MTSS1: variants seen among roughly 807,000 people sequenced by gnomAD.
MTSS1 encodes the protein protein MTSS 1.
A neutral mutation model predicts 79.0 loss-of-function variants in MTSS1; 18 were observed. That is an observed-to-expected ratio of 0.23 (90% CI 0.16 to 0.34). The LOEUF is 0.34. MTSS1 is among the 10% of genes least tolerant of loss of function. The pLI is 1.00. For synonymous variants in MTSS1, 341 were observed against 368.6 expected (o/e 0.93, Z 0.86); for missense variants, 815 against 986.2 (o/e 0.83, Z 2.33).
At position 124,653,681 on chromosome 8, in the gene MTSS1, G is replaced by A. The variant is rs564179741; in HGVS notation, c.208+45845C>T. 4.5e-4 allele frequency among the ~76,000 whole-genome samples: 69 copies of A among 152,328 alleles called. No individual in the cohort carries two copies. In the South Asian group the frequency reaches 0.014, roughly 31 times the overall value. ...TGAGGTTGCAGTGAGCCGAGATCGC[G>A]CCAGTGCGCTCCAGCCTGGGCAACA... On this transcript the variant is annotated intron_variant, in intron 3 of 13. Coordinates refer to ENST00000518547, the MANE Select transcript of MTSS1 (RefSeq NM_014751.6).
intron 3 of MTSS1, among the ~76,000 whole-genome samples, chr8:124,646,395 T>TA: frequency 6.6e-6 from 1 of 152,212 alleles, no homozygotes; most frequent in Non-Finnish European, 1.5e-5. Flanking sequence ...TTCATTCATT[T>TA]AAAAAATCTA....
intron 1 of MTSS1, among the ~76,000 whole-genome samples, chr8:124,706,520 C>T (rs1482073549): frequency 2.0e-5 from 3 of 152,232 alleles, no homozygotes; most frequent in Non-Finnish European, 2.9e-5. Context: ...GCATTGGAGA[C>T]CTGCTTGGCT....
At chr8:124,713,269 T>C (rs1192933166) in intron 1 of MTSS1, among the ~76,000 whole-genome samples, 1 of 152,196 alleles carries the variant, frequency 6.6e-6, no homozygotes, top group Non-Finnish European at 1.5e-5. Context: ...ACGGCACCCC[T>C]AAGGGCTTCA....
chr8:124,716,378 C>T (rs1831984179), intron 1 of MTSS1, among the ~76,000 whole-genome samples: 1 of 152,200 alleles, frequency 6.6e-6, no homozygotes, highest in Non-Finnish European at 1.5e-5. Flanking sequence ...ATTTCGTCTG[C>T]CTGATCGCAT....
At chr8:124,725,159 C>G (rs1833513719) in intron 1 of MTSS1, among the ~76,000 whole-genome samples, 1 of 152,092 alleles carries the variant, frequency 6.6e-6, no homozygotes, top group South Asian at 2.1e-4. Flanking sequence ...GTGCTGTTCC[C>G]CAGTGGAGAA....
rs781067158 is a variant in MTSS1, at chr8:124,567,840, G to C, written c.618+539C>G. 2.7e-6 allele frequency: 4 copies of C among 1,492,546 alleles called. No individual in the cohort carries two copies. In the South Asian group the frequency reaches 5.1e-5, roughly 19 times the overall value. 92.5% of individuals were successfully genotyped at this position (1,492,546 alleles called of 1,614,324 possible). A position where few individuals can be genotyped will look rare whatever the true frequency, so the allele number is the denominator to read the frequency against. On this transcript the variant is annotated intron_variant, in intron 7 of 13. Transcript: ENST00000518547. The stretch of plus-strand genomic sequence containing the variant: ...GAAATGAGCTGGTACCTTCGAATCA[G>C]CTTCCAGAACGCCTGCAGTGCAAGT...
rs1008201553 is a variant in MTSS1, at chr8:124,580,663, T to A, written c.460+4424A>T. On this transcript the variant is annotated intron_variant, in intron 6 of 13. Coordinates refer to ENST00000518547, the MANE Select transcript of MTSS1 (RefSeq NM_014751.6). ...GTATTCAAGCAGCAGCAGTCTTACC[T>A]TTGTTTCATGTGTTAAACAGTCCAT... is the stretch of plus-strand genomic sequence containing the variant. 5 of 1,402,844 alleles carry A rather than the reference T, an allele frequency of 3.6e-6. No homozygotes were observed. The African/African-American group carries it at 4.3e-5, about 12-fold the overall frequency. 86.9% of individuals were successfully genotyped at this position (1,402,844 alleles called of 1,614,324 possible).
At chr8:124,580,573 G>T (rs377526462) in intron 6 of MTSS1, 10 of 1,535,766 alleles carry the variant, frequency 6.5e-6, no homozygotes, top group South Asian at 5.9e-5. Context: ...CTGGCGGGGG[G>T]GCACACGGTG....
At chr8:124,588,274 G>C (rs1831219270) in intron 5 of MTSS1, among the ~76,000 whole-genome samples, 1 of 152,200 alleles carries the variant, frequency 6.6e-6, no homozygotes, top group Non-Finnish European at 1.5e-5. Context: ...AGAGCACCCG[G>C]TTGGGTCTTC....
At chr8:124,605,077 C>T (rs1834557804) in intron 3 of MTSS1, among the ~76,000 whole-genome samples, 1 of 152,192 alleles carries the variant, frequency 6.6e-6, no homozygotes, top group Non-Finnish European at 1.5e-5. Context: ...GGGAGGCTTC[C>T]CTGTCTACGT....
intron 3 of MTSS1, among the ~76,000 whole-genome samples, chr8:124,685,932 T>C (rs1826896045): frequency 6.6e-6 from 1 of 152,078 alleles, no homozygotes; most frequent in African/African-American, 2.4e-5. Context: ...GAGCACCATG[T>C]CTCTAAGTGA....
chr8:124,700,797 A>G (rs868330234), intron 2 of MTSS1, among the ~76,000 whole-genome samples: 1 of 152,156 alleles, frequency 6.6e-6, no homozygotes, highest in Non-Finnish European at 1.5e-5. Flanking sequence ...GAATTCAAGG[A>G]CTTTACAATC....
chr8:124,714,111 G>A (rs989663225), intron 1 of MTSS1, among the ~76,000 whole-genome samples: 3 of 152,176 alleles, frequency 2.0e-5, no homozygotes, highest in Admixed American at 6.5e-5. Flanking sequence ...AGAGGTTTAT[G>A]GTTAGTCACT....
intron 3 of MTSS1, among the ~76,000 whole-genome samples, chr8:124,640,332 C>T (rs1817794602): frequency 6.6e-6 from 1 of 152,222 alleles, no homozygotes; most frequent in Non-Finnish European, 1.5e-5. Flanking sequence ...TATACGCACA[C>T]ACCTTAAACA....
chr8:124,613,414 T>C (rs1307144429), intron 3 of MTSS1, among the ~76,000 whole-genome samples: 1 of 152,222 alleles, frequency 6.6e-6, no homozygotes, highest in Non-Finnish European at 1.5e-5. Context: ...AGCTGTCTTA[T>C]TCTAGACCTC....
chr8:124,588,600 A>G (rs1448990603), intron 5 of MTSS1, among the ~76,000 whole-genome samples: 2 of 152,376 alleles, frequency 1.3e-5, no homozygotes, highest in African/African-American at 2.4e-5. Flanking sequence ...GCACAAAGAG[A>G]ATGGGCAGGA....
At chr8:124,662,077 T>A (rs1439063654) in intron 3 of MTSS1, among the ~76,000 whole-genome samples, 2 of 152,126 alleles carry the variant, frequency 1.3e-5, no homozygotes, top group African/African-American at 4.8e-5. Flanking sequence ...GCCTGAAAGT[T>A]AATGGGAAAG....
At chr8:124,632,797 A>G (rs1188161602) in intron 3 of MTSS1, among the ~76,000 whole-genome samples, 1 of 152,162 alleles carries the variant, frequency 6.6e-6, no homozygotes. Flanking sequence ...CCTTCCAAGT[A>G]GCTGGGACTA....
At chr8:124,611,801 A>C (rs1209026941) in intron 3 of MTSS1, among the ~76,000 whole-genome samples, 1 of 152,232 alleles carries the variant, frequency 6.6e-6, no homozygotes, top group Non-Finnish European at 1.5e-5. Context: ...TCCCAAAAGA[A>C]GACTGGAGAA....
Sources: allele counts gnomAD v4.1 joint callset (sites outside exome capture counted in the v4.1 genomes callset), GRCh38; gene constraint gnomAD v4.1.1; transcripts MANE v1.5; gene names NCBI Gene and HGNC (gene_info 2026-07-23, HGNC 2026-07-21).